LASP1: variants seen among roughly 807,000 people sequenced by gnomAD.
LASP1 encodes LIM and SH3 protein 1, also known as LIM and SH3 domain protein 1.
In LASP1, 10 loss-of-function variants were observed where a neutral mutation model predicts 38.6. The ratio of observed to expected loss-of-function variants is 0.26; its 90% confidence interval spans 0.16 to 0.44. The LOEUF (loss-of-function observed/expected upper bound fraction) is 0.44. LASP1 is among the 20% of genes least tolerant of loss of function. LASP1 has a pLI of 1.00. For synonymous variants in LASP1, 132 were observed against 140.8 expected (o/e 0.94, Z 0.44); for missense variants, 243 against 375.7 (o/e 0.65, Z 2.92).
rs114238618 is a variant in LASP1, at chr17:38,870,091, G to C, written c.-99G>C. The C allele has an allele frequency of 1.4e-5, 19 of 1,311,494 alleles. No homozygotes were observed. Among genetic ancestry groups the C allele is most frequent in the East Asian group, 4.7e-5 (2 of 42,292 alleles). The allele number at this position is 1,311,494 out of a possible 1,614,324, so 81.2% of individuals were successfully genotyped here. A position where few individuals can be genotyped will look rare whatever the true frequency, so the allele number is the denominator to read the frequency against. On this transcript the variant is annotated 5_prime_UTR_variant, in exon 1 of 7. Transcript: ENST00000318008. ...CCCAGCTCCAGCCGCCGTCGCTGCT[G>C]CCTGTGTAGTTGCAGCCGCGGCCGC...
At chr17:38,879,161 C>CTTTTTTT (rs55952948) in intron 2 of LASP1, among the ~76,000 whole-genome samples, 5 of 123,704 alleles carry the variant, frequency 4.0e-5, no homozygotes, top group South Asian at 2.7e-4. Flanking sequence ...TTTTAATTTG[C>CTTTTTTT]TTTTTTTTTT....
intron 3 of LASP1, among the ~76,000 whole-genome samples, chr17:38,895,637 GATCCTTCTTCTTATATTGGGT>G (rs1914466285): frequency 6.6e-6 from 1 of 152,078 alleles, no homozygotes; most frequent in Non-Finnish European, 1.5e-5. Context: ...TTTAAGTAAT[GATCCTTCTTCTTATATTGGGT>G]CATCAAGGCA....
intron 1 of LASP1, among the ~76,000 whole-genome samples, chr17:38,870,495 CTG>C (rs957483798): frequency 5.3e-5 from 8 of 152,294 alleles, no homozygotes; most frequent in Admixed American, 5.2e-4. Context: ...GGGGTGGGCT[CTG>C]TGTCCCGGGG....
Position 38,898,467 on chromosome 17 carries a change from C to G in LASP1, c.305C>G (p.Ala102Gly). Residue 102 changes from alanine (A) to glycine (G), a missense_variant, in exon 4 of 7, where the codon GCA becomes GGA. Coordinates refer to ENST00000318008, the MANE Select transcript of LASP1 (RefSeq NM_006148.4). Reference protein sequence around the residue: ...KNKGKGFSVVADTPELQRIKK... With the variant: ...KNKGKGFSVVGDTPELQRIKK... ...AAGGGCAAAGGTTTCAGCGTAGTGGCAGACACGCCCGAGCTCCAGAGAATC... is the reference window on the plus strand; with the variant it reads ...AAGGGCAAAGGTTTCAGCGTAGTGGGAGACACGCCCGAGCTCCAGAGAATC... 6.4e-7 allele frequency: 1 copy of G among 1,551,634 alleles called. No homozygotes were observed. The highest frequency in any genetic ancestry group is 8.7e-7 in the Non-Finnish European group (1 of 1,146,904).
intron 2 of LASP1, among the ~76,000 whole-genome samples, chr17:38,885,542 G>T (rs1358067630): frequency 1.3e-5 from 2 of 152,166 alleles, no homozygotes; most frequent in Non-Finnish European, 2.9e-5. Context: ...CCTGCAGAGA[G>T]CCCACCACCC....
At chr17:38,878,256 A>G (rs905923568) in intron 2 of LASP1, 76 bp downstream of exon 2, 5 of 956,800 alleles carry the variant, frequency 5.2e-6, no homozygotes, top group East Asian at 2.4e-5. Flanking sequence ...TTTCCTTCCA[A>G]TAACCGCAAG....
Position 38,883,089 on chromosome 17 carries a change from C to T in LASP1, c.164+4909C>T, listed in dbSNP as rs555775827. Reference sequence around the variant, plus strand: ...TGGATTCTAGCAAACTGTCTTTAATCCCAGCTGCTTTTAAAAGGTGGGGCA... The same window carrying T: ...TGGATTCTAGCAAACTGTCTTTAATTCCAGCTGCTTTTAAAAGGTGGGGCA... On this transcript the variant is annotated intron_variant, in intron 2 of 6. Transcript: ENST00000318008. Among the ~76,000 whole-genome samples the T allele has an allele frequency of 9.7e-4, 147 of 152,240 alleles. 1 individual carries two copies. The highest frequency in any genetic ancestry group is 1.0e-3 in the Non-Finnish European group (71 of 68,016).
At chr17:38,890,370 T>A (rs971371991) in intron 2 of LASP1, 50 bp from the exon 3 acceptor site, 21 of 1,542,940 alleles carry the variant, frequency 1.4e-5, no homozygotes, top group Non-Finnish European at 1.8e-5. Flanking sequence ...GCCCAGAGGC[T>A]CCTGCCCCTC....
chr17:38,906,633 C>T (rs1914782402), intron 4 of LASP1, among the ~76,000 whole-genome samples: 1 of 152,140 alleles, frequency 6.6e-6, no homozygotes, highest in African/African-American at 2.4e-5. Flanking sequence ...GATGATTCCA[C>T]CCAGAGCCTG....
intron 2 of LASP1, among the ~76,000 whole-genome samples, chr17:38,886,908 T>A (rs1914156982): frequency 6.6e-6 from 1 of 152,172 alleles, no homozygotes; most frequent in Non-Finnish European, 1.5e-5. Flanking sequence ...GTTTTATTTA[T>A]TTATTTAATA....
At chr17:38,895,176 T>G (rs553542956) in intron 3 of LASP1, among the ~76,000 whole-genome samples, 4 of 150,886 alleles carry the variant, frequency 2.7e-5, no homozygotes, top group African/African-American at 9.9e-5. Flanking sequence ...AGATTTTTAT[T>G]AATTTTTTTT....
At chr17:38,872,821 C>T (rs1042756030) in intron 1 of LASP1, among the ~76,000 whole-genome samples, 4 of 152,216 alleles carry the variant, frequency 2.6e-5, no homozygotes, top group African/African-American at 4.8e-5. Flanking sequence ...TGAGCCTTAT[C>T]TCCCAAAGGC....
At chr17:38,898,813 T>TG (rs368285470) in intron 4 of LASP1, 91 of 496,846 alleles carry the variant, frequency 1.8e-4, no homozygotes, top group African/African-American at 1.6e-3. Flanking sequence ...CTGGATATCG[T>TG]GGGTATCGGT....
At chr17:38,875,258 C>T (rs1913735092) in intron 1 of LASP1, among the ~76,000 whole-genome samples, 1 of 152,102 alleles carries the variant, frequency 6.6e-6, no homozygotes, top group Non-Finnish European at 1.5e-5. Context: ...CTGCCAATGC[C>T]TCCCAGTTAC....
At chr17:38,875,127 T>C (rs1331497595) in intron 1 of LASP1, among the ~76,000 whole-genome samples, 1 of 146,044 alleles carries the variant, frequency 6.8e-6, no homozygotes, top group Non-Finnish European at 1.5e-5. Context: ...GAGAATGTTT[T>C]TCCTGGCAGG....
At chr17:38,906,223 G>C (rs1369737385) in intron 4 of LASP1, among the ~76,000 whole-genome samples, 1 of 152,010 alleles carries the variant, frequency 6.6e-6, no homozygotes, top group Non-Finnish European at 1.5e-5. Flanking sequence ...AGTATTCTCG[G>C]GCTGGCTGAG....
chr17:38,872,064 T>C (rs1314564928), intron 1 of LASP1, among the ~76,000 whole-genome samples: 1 of 152,070 alleles, frequency 6.6e-6, no homozygotes, highest in East Asian at 1.9e-4. Context: ...AAGCAAAACA[T>C]GAAGGCAGGA....
At chr17:38,884,729 C>T (rs1914063482) in intron 2 of LASP1, among the ~76,000 whole-genome samples, 1 of 128,718 alleles carries the variant, frequency 7.8e-6, no homozygotes, top group Non-Finnish European at 1.6e-5. Context: ...CTCTCTCTGT[C>T]TCCCAGGTGG....
chr17:38,884,826 G>A (rs960028431), intron 2 of LASP1, among the ~76,000 whole-genome samples: 2 of 151,538 alleles, frequency 1.3e-5, no homozygotes, highest in Non-Finnish European at 2.9e-5. Flanking sequence ...GGGTAGCTGG[G>A]ACTACAGGCG....
Sources: gnomAD v4.1 joint callset for allele counts (sites outside exome capture counted in the v4.1 genomes callset) on GRCh38, gnomAD v4.1.1 for gene constraint, MANE v1.5 for transcripts, NCBI Gene and HGNC (gene_info 2026-07-23, HGNC 2026-07-21) for gene names.